The following MCTP2 variants were observed in gnomAD, a reference collection of about 807,000 sequenced individuals.
The protein encoded by MCTP2 is multiple C2 and transmembrane domain-containing protein 2.
A neutral mutation model predicts 111.6 loss-of-function variants in MCTP2; 132 were observed. The ratio of observed to expected loss-of-function variants is 1.18; its 90% CI spans 1.03 to 1.37. The LOEUF (loss-of-function observed/expected upper bound fraction) is 1.37, where lower values mean the gene tolerates loss of function less well. MCTP2 is among the 40% of genes most tolerant of loss of function. The probability of loss-of-function intolerance (pLI) is 0.00; values close to 1 mark genes in which losing one functional copy is unlikely to be tolerated. For synonymous variants in MCTP2, 395 were observed against 387.7 expected (o/e 1.02, Z -0.22); for missense variants, 1,183 against 1,067.9 (o/e 1.11, Z -1.50).
intron 17 of MCTP2, among the ~76,000 whole-genome samples, chr15:94,430,638 C>A (rs1169061563): frequency 6.7e-6 from 1 of 149,794 alleles, no homozygotes; most frequent in Non-Finnish European, 1.5e-5. Context: ...ATCGCAGCTA[C>A]TTGGGAGGCT....
At chr15:94,300,859 G>T (rs1268315263) in intron 2 of MCTP2, among the ~76,000 whole-genome samples, 1 of 152,178 alleles carries the variant, frequency 6.6e-6, no homozygotes, top group Non-Finnish European at 1.5e-5. Context: ...ACAGCCTGAA[G>T]TGTGGATGGG....
chr15:94,325,061 C>T (rs1048630578), intron 4 of MCTP2, among the ~76,000 whole-genome samples: 2 of 152,186 alleles, frequency 1.3e-5, no homozygotes, highest in Non-Finnish European at 2.9e-5. Flanking sequence ...ACCATAAACC[C>T]TGCTGTGCCC....
At chr15:94,332,100 G>A (rs1471139281) in intron 4 of MCTP2, among the ~76,000 whole-genome samples, 1 of 152,102 alleles carries the variant, frequency 6.6e-6, no homozygotes, top group African/African-American at 2.4e-5. Flanking sequence ...TTCTCTGCAT[G>A]GGAGAAGTTC....
chr15:94,401,694 A>C (rs2081597527), intron 16 of MCTP2, among the ~76,000 whole-genome samples: 1 of 152,218 alleles, frequency 6.6e-6, no homozygotes, highest in Admixed American at 6.5e-5. Context: ...GATGAGCGCT[A>C]AAATGCATTT....
At chr15:94,332,069 T>G (rs2077156766) in intron 4 of MCTP2, among the ~76,000 whole-genome samples, 1 of 152,204 alleles carries the variant, frequency 6.6e-6, no homozygotes, top group Non-Finnish European at 1.5e-5. Flanking sequence ...AATCTACCAC[T>G]ATCTGAAGTA....
At chr15:94,478,676 GA>G (rs2152548200) in intron 22 of MCTP2, among the ~76,000 whole-genome samples, 1 of 152,306 alleles carries the variant, frequency 6.6e-6, no homozygotes, top group East Asian at 1.9e-4. Context: ...ACTTATGGTT[GA>G]AAACTGGCAC....
chr15:94,425,585 T>G (rs1364536656), intron 17 of MCTP2, among the ~76,000 whole-genome samples: 3 of 151,834 alleles, frequency 2.0e-5, no homozygotes, highest in African/African-American at 7.3e-5. Context: ...ATGAGTAAAA[T>G]CAAAAGAAAA....
rs1567251695 is a variant in MCTP2 at position 94,243,413 on chromosome 15, A to ACGTATGCGTATATG, written c.-66+11756_-66+11769dup. ...TGCGTATATGCGTATGTACATACAT[A>ACGTATGCGTATATG]CGTATGCGTATATGCGTATGTACAT... On this transcript the variant is annotated intron_variant, in intron 1 of 22. Coordinates refer to ENST00000357742, the MANE Select transcript of MCTP2 (RefSeq NM_001385001.1). 3.0e-4 allele frequency among the ~76,000 whole-genome samples: 45 copies of ACGTATGCGTATATG among 148,328 alleles called. 4 individuals carry two copies. The highest frequency in any genetic ancestry group is 1.3e-3 in the Admixed American group (20 of 14,980).
intron 12 of MCTP2, among the ~76,000 whole-genome samples, chr15:94,375,699 A>T (rs890200754): frequency 6.6e-6 from 1 of 152,212 alleles, no homozygotes; most frequent in Non-Finnish European, 1.5e-5. Context: ...TTAATAAAGG[A>T]AATAACTCCC....
intron 14 of MCTP2, among the ~76,000 whole-genome samples, chr15:94,395,310 C>T (rs1438109842): frequency 4.6e-5 from 7 of 152,150 alleles, no homozygotes; most frequent in South Asian, 2.1e-4. Context: ...GCTATTTATA[C>T]GCAACATCCT....
chr15:94,256,994 T>A (rs1281046178), intron 1 of MCTP2, among the ~76,000 whole-genome samples: 1 of 152,102 alleles, frequency 6.6e-6, no homozygotes, highest in Non-Finnish European at 1.5e-5. Flanking sequence ...ACTTCCCAAT[T>A]CACTTAAAAT....
chr15:94,375,632 A>T (rs550072527), intron 12 of MCTP2, among the ~76,000 whole-genome samples: 2 of 152,236 alleles, frequency 1.3e-5, no homozygotes, highest in East Asian at 3.9e-4. Context: ...ATATATCTGG[A>T]TCCTCTTGAT....
chr15:94,290,152 CAA>C (rs57892801), intron 1 of MCTP2, among the ~76,000 whole-genome samples: 3 of 139,928 alleles, frequency 2.1e-5, no homozygotes, highest in Admixed American at 7.1e-5. Flanking sequence ...CTAGAGCCTC[CAA>C]AAAAAAAAAA....
chr15:94,327,127 CT>C (rs1307010764), intron 4 of MCTP2, among the ~76,000 whole-genome samples: 2 of 152,050 alleles, frequency 1.3e-5, no homozygotes, highest in Non-Finnish European at 2.9e-5. Flanking sequence ...TCTTACGATT[CT>C]TTTCTGGAAA....
At chr15:94,288,762 C>T (rs1031175369) in intron 1 of MCTP2, among the ~76,000 whole-genome samples, 7 of 152,092 alleles carry the variant, frequency 4.6e-5, no homozygotes, top group African/African-American at 1.7e-4. Flanking sequence ...AATGAATAAT[C>T]ATGAGTCTTG....
chr15:94,417,843 C>T (rs2082445386), intron 17 of MCTP2, among the ~76,000 whole-genome samples: 1 of 152,090 alleles, frequency 6.6e-6, no homozygotes, highest in African/African-American at 2.4e-5. Flanking sequence ...TCACTAATCA[C>T]TATTGGAGGG....
intron 21 of MCTP2, among the ~76,000 whole-genome samples, chr15:94,475,651 C>G (rs1487290662): frequency 2.6e-5 from 4 of 152,178 alleles, no homozygotes; most frequent in East Asian, 3.8e-4. Context: ...TGTGGCAAAA[C>G]TTCAGAAGGC....
chr15:94,331,458 G>A (rs1210973730), intron 4 of MCTP2, among the ~76,000 whole-genome samples: 2 of 152,150 alleles, frequency 1.3e-5, no homozygotes, highest in Non-Finnish European at 2.9e-5. Flanking sequence ...GGGGAGGCAT[G>A]TGGAGGTCTG....
intron 4 of MCTP2, among the ~76,000 whole-genome samples, chr15:94,327,350 C>T (rs1162902657): frequency 6.6e-6 from 1 of 152,168 alleles, no homozygotes; most frequent in African/African-American, 2.4e-5. Flanking sequence ...AATGATGTGA[C>T]GGTCACTTTT....
Sources: gnomAD v4.1 joint callset for allele counts (sites outside exome capture counted in the v4.1 genomes callset) on GRCh38, gnomAD v4.1.1 for gene constraint, MANE v1.5 for transcripts, NCBI Gene and HGNC (gene_info 2026-07-23, HGNC 2026-07-21) for gene names.